Variants in DCP2 observed in about 807,000 individuals in gnomAD.
The protein encoded by DCP2 is m7GpppN-mRNA hydrolase.
DCP2 carries 30 observed loss-of-function variants against 56.1 expected under a neutral mutation model. That is an observed-to-expected ratio of 0.53 (90% confidence interval 0.40 to 0.73). The LOEUF (loss-of-function observed/expected upper bound fraction) is 0.73. DCP2 is among the 30% of genes least tolerant of loss of function. DCP2 has a pLI of 0.00. For missense variants in DCP2, 533 were observed against 502.7 expected (o/e 1.06, Z -0.58); for synonymous variants, 197 against 163.3 (o/e 1.21, Z -1.57).
intron 9 of DCP2, 101 bp from the exon 10 acceptor site, chr5:113,010,654 TC>T: frequency 7.9e-7 from 1 of 1,272,536 alleles, no homozygotes; most frequent in Non-Finnish European, 1.0e-6. Context: ...CAGTTTTTCT[TC>T]CTGAGAAATT....
chr5:113,001,723 G>T (rs1342157980), intron 7 of DCP2, 49 bp downstream of exon 7: 1 of 1,534,188 alleles, frequency 6.5e-7, no homozygotes, highest in South Asian at 1.1e-5. Flanking sequence ...GTTTTTAAAA[G>T]TGGAATAATA....
intron 8 of DCP2, 140 bp from the exon 9 acceptor site, chr5:113,007,798 T>C (rs1749508449): frequency 3.1e-6 from 2 of 637,298 alleles, no homozygotes; most frequent in Non-Finnish European, 2.7e-6. Context: ...AATACATTGA[T>C]AGGGTGATTA....
In DCP2 at chr5:113,016,009, G is replaced by C. The variant is rs1279048996; in HGVS notation, c.*2525G>C. On this transcript the variant is annotated 3_prime_UTR_variant, in exon 11 of 11. Transcript: ENST00000389063. Reference sequence around the variant, plus strand: ...GTTTTATGTCTTTGAGAGAGATACAGGTCTTGGAATTCACTTTTTAAATGT... The same window carrying C: ...GTTTTATGTCTTTGAGAGAGATACACGTCTTGGAATTCACTTTTTAAATGT... 6.6e-6 allele frequency: 1 copy of C among 152,598 alleles called. No homozygotes were observed. The allele number at this position is 152,598 out of a possible 1,614,324, so 9.5% of individuals were successfully genotyped here.
intron 2 of DCP2, among the ~76,000 whole-genome samples, chr5:112,987,472 C>T (rs571432363): frequency 5.4e-4 from 82 of 152,072 alleles, no homozygotes; most frequent in African/African-American, 1.7e-3. Context: ...CCCGACAAAC[C>T]GAGACAGCCT....
In DCP2 at chr5:113,001,110, C is replaced by A. The variant is rs1408456391; in HGVS notation, c.459C>A (p.Ile153=). 6.2e-7 allele frequency: 1 copy of A among 1,607,460 alleles called. No homozygotes were observed. Among genetic ancestry groups the A allele is most frequent in the Non-Finnish European group, 8.5e-7 (1 of 1,177,562 alleles). ...TCTTTGAAGAAACTGGTTTTGATATCAAAGACTATATTTGTAAGGATGATT... is the reference window on the plus strand; with the variant it reads ...TCTTTGAAGAAACTGGTTTTGATATAAAAGACTATATTTGTAAGGATGATT... The part of the protein sequence containing the change: ...REVFEETGFD[I]KDYICKDDYI... Residue 153 remains isoleucine, a synonymous_variant, in exon 5 of 11, where the codon ATC becomes ATA. Coordinates refer to ENST00000389063, the MANE Select transcript of DCP2 (RefSeq NM_152624.6).
At position 112,976,960 on chromosome 5, in the gene DCP2, C is replaced by T. The variant is rs769592289; in HGVS notation, c.27C>T (p.Pro9=). ...TGGAGACCAAACGGGTGGAGATTCCCGGCAGCGTCCTGGACGATCTCTGCA... is the reference window on the plus strand; with the variant it reads ...TGGAGACCAAACGGGTGGAGATTCCTGGCAGCGTCCTGGACGATCTCTGCA... The part of the protein sequence containing the change: METKRVEI[P]GSVLDDLCSR... The change falls in exon 1 of 11, where the codon CCC becomes CCT. Residue 9 remains proline (P), a synonymous_variant. Transcript: ENST00000389063. The T allele has an allele frequency of 5.6e-6, 9 of 1,599,814 alleles. No individual in the cohort carries two copies. In the East Asian group the frequency reaches 2.0e-4, roughly 36 times the overall value.
intron 2 of DCP2, among the ~76,000 whole-genome samples, chr5:112,987,973 A>C (rs1748378762): frequency 6.6e-6 from 1 of 152,036 alleles, no homozygotes; most frequent in Non-Finnish European, 1.5e-5. Flanking sequence ...ATTTGTACCC[A>C]CAAGTTCGTG....
rs1391858405 is a variant in DCP2 at position 113,021,775 on chromosome 5, G to A, written c.*8291G>A. The stretch of plus-strand genomic sequence containing the variant: ...TCTCTAACAGATGTGTTGCAAAGCT[G>A]CTTGCCATCTTGTTGTCCTATATGA... On this transcript the variant is annotated 3_prime_UTR_variant, in exon 11 of 11. Coordinates refer to ENST00000389063, the MANE Select transcript of DCP2 (RefSeq NM_152624.6). Among the ~76,000 whole-genome samples the A allele has an allele frequency of 2.0e-5, 3 of 152,202 alleles. No homozygotes were observed.
rs1177281386 is a variant in DCP2 at position 113,007,949 on chromosome 5, G to C, written c.954G>C (p.Met318Ile). Residue 318 changes from methionine to isoleucine, a missense_variant, in exon 9 of 11, where the codon ATG becomes ATC. Met to Ile is a conservative substitution (Grantham distance 10). This residue lies in a region of DCP2 where 392 missense variants were observed against 346.6 expected (regional missense o/e 1.13). Transcript: ENST00000389063. ...TTTTGGGAAAACAGAATCAAAGTAT[G>C]AGGGGAAATGGCAGAAAACAGTATC... ...SDLLKGKNQS[M>I]RGNGRKQYQD... The C allele has an allele frequency of 2.5e-6, 4 of 1,613,422 alleles. No homozygotes were observed. The highest frequency in any genetic ancestry group is 2.5e-6 in the Non-Finnish European group (3 of 1,179,692).
Position 112,992,289 on chromosome 5 carries a change from C to T in DCP2, c.333+41C>T, listed in dbSNP as rs201778091. The T allele has an allele frequency of 1.3e-3, 2,078 of 1,576,440 alleles. 3 individuals are homozygous for T. Among genetic ancestry groups the T allele is most frequent in the Non-Finnish European group, 1.5e-3 (1,771 of 1,166,266 alleles). ...TAAAGATTTTTAGTGAAATGGTGAT[C>T]GTTAATCTGTTAACAAAATTTGTTA... On this transcript the variant is annotated intron_variant, in intron 3 of 10. Coordinates refer to ENST00000389063, the MANE Select transcript of DCP2 (RefSeq NM_152624.6).
intron 1 of DCP2, 52 bp downstream of exon 1, chr5:112,977,038 C>T (rs747976544): frequency 1.4e-6 from 2 of 1,439,954 alleles, no homozygotes; most frequent in Non-Finnish European, 1.9e-6. Context: ...CTCAGTTTCG[C>T]GGACCCCCAG....
chr5:113,000,742 T>C (rs568070796), intron 4 of DCP2, among the ~76,000 whole-genome samples: 65 of 152,330 alleles, frequency 4.3e-4, no homozygotes, highest in African/African-American at 1.5e-3. Flanking sequence ...ATATAAATGT[T>C]AAGATTTGGA....
At position 113,004,061 on chromosome 5, in the gene DCP2, A is replaced by G. The variant is rs1171867029; in HGVS notation, c.926A>G (p.Asp309Gly). 2 of 1,613,794 alleles carry G rather than the reference A, an allele frequency of 1.2e-6. No homozygotes were observed. The highest frequency in any genetic ancestry group is 1.7e-6 in the Non-Finnish European group (2 of 1,179,906). Residue 309 changes from aspartate to glycine, a missense_variant, in exon 8 of 11, where the codon GAC becomes GGC. By Grantham distance (94) the Asp-to-Gly change is moderately conservative (BLOSUM62 -1). Coordinates refer to ENST00000389063, the MANE Select transcript of DCP2 (RefSeq NM_152624.6). ...TATAATAATCATTCTGAAATGTCTG[A>G]CCTTTTAAAAGGAAAGGTGAGTGAT... ...KPYNNHSEMS[D>G]LLKGKNQSMR...
rs575464961 is a variant in DCP2 at position 113,000,764 on chromosome 5, C to G, written c.433-320C>G. Among the ~76,000 whole-genome samples, 76 of 152,230 alleles carry G rather than the reference C, an allele frequency of 5.0e-4. No individual in the cohort carries two copies. The South Asian group carries it at 5.2e-3, about 10-fold the overall frequency. The stretch of plus-strand genomic sequence containing the variant: ...TGTTAAGATTTGGAGAGTGGGAAAT[C>G]TTGAAACCTCTATCACTAGCCTTCA... On this transcript the variant is annotated intron_variant, in intron 4 of 10. Transcript: ENST00000389063.
intron 2 of DCP2, among the ~76,000 whole-genome samples, chr5:112,987,449 T>C (rs527328656): frequency 1.3e-4 from 20 of 151,970 alleles, no homozygotes; most frequent in Non-Finnish European, 2.6e-4. Flanking sequence ...TTGATTTTTA[T>C]TCCCCCCGCC....
chr5:113,005,527 G>A (rs1749384709), intron 8 of DCP2, among the ~76,000 whole-genome samples: 1 of 152,200 alleles, frequency 6.6e-6, no homozygotes, highest in African/African-American at 2.4e-5. Context: ...AGGATGTGGA[G>A]AAACTGGAGA....
chr5:112,986,887 C>T (rs1319671640), intron 2 of DCP2, among the ~76,000 whole-genome samples: 1 of 152,102 alleles, frequency 6.6e-6, no homozygotes, highest in African/African-American at 2.4e-5. Context: ...CCTATGGTCC[C>T]ATCTGCTCGG....
intron 2 of DCP2, among the ~76,000 whole-genome samples, chr5:112,988,324 A>AG (rs1261508502): frequency 2.0e-5 from 3 of 150,468 alleles, no homozygotes; most frequent in African/African-American, 7.3e-5. Flanking sequence ...CTACTAAAAA[A>AG]AAAAAAAAAT....
chr5:113,013,603 GA>G lies in DCP2; in HGVS notation c.*121del. ...AGAAATGCAGGGAGGCAATGTTTCTGAAGACATTTTCTGTTTATAAGAGAGT... is the reference window on the plus strand; with the variant it reads ...AGAAATGCAGGGAGGCAATGTTTCTGAGACATTTTCTGTTTATAAGAGAGT... On this transcript the variant is annotated 3_prime_UTR_variant, in exon 11 of 11. Transcript: ENST00000389063. 1 of 1,205,274 alleles carries G rather than the reference GA, an allele frequency of 8.3e-7. No homozygotes were observed. 74.7% of individuals were successfully genotyped at this position (1,205,274 alleles called of 1,614,324 possible).
Sources: allele counts gnomAD v4.1 joint callset (sites outside exome capture counted in the v4.1 genomes callset), GRCh38; gene constraint gnomAD v4.1.1; regional missense constraint gnomAD v4.1.1; transcripts MANE v1.5; gene names NCBI Gene and HGNC (gene_info 2026-07-23, HGNC 2026-07-21).